Variants in MTA3 observed in about 807,000 individuals in gnomAD.
MTA3 encodes metastasis-associated protein MTA3.
Under a neutral mutation model 83.5 loss-of-function variants are expected in MTA3, and 34 were observed. The observed-to-expected ratio is 0.41, with a 90% CI of 0.31 to 0.54. The LOEUF is 0.54. MTA3 is among the 20% of genes least tolerant of loss of function. The probability of loss-of-function intolerance (pLI) is 0.33; values close to 1 mark genes in which losing one functional copy is unlikely to be tolerated. For missense variants in MTA3, 761 were observed against 726.4 expected (o/e 1.05, Z -0.55); for synonymous variants, 303 against 252.7 (o/e 1.20, Z -1.89).
intron 4 of MTA3, among the ~76,000 whole-genome samples, chr2:42,627,891 T>G: frequency 6.6e-6 from 1 of 151,764 alleles, no homozygotes; most frequent in Non-Finnish European, 1.5e-5. Context: ...TTCTTTTGTT[T>G]TGTTTTGTTT....
intron 2 of MTA3, among the ~76,000 whole-genome samples, chr2:42,545,849 T>C (rs762670688): frequency 6.6e-6 from 1 of 152,090 alleles, no homozygotes; most frequent in Admixed American, 6.6e-5. Flanking sequence ...TGACCTGAGA[T>C]CTCCATACTT....
intron 2 of MTA3, among the ~76,000 whole-genome samples, chr2:42,523,907 AC>A (rs1675545211): frequency 6.6e-6 from 1 of 152,072 alleles, no homozygotes. Flanking sequence ...AAAGAGCCAG[AC>A]CCTGTTTCTA....
chr2:42,636,309 G>A (rs536430273), intron 4 of MTA3, among the ~76,000 whole-genome samples: 1 of 152,120 alleles, frequency 6.6e-6, no homozygotes, highest in African/African-American at 2.4e-5. Context: ...GGAGGCCAAG[G>A]TGGGAGGATC....
chr2:42,527,420 C>T lies in MTA3; in HGVS notation c.-141+32166C>T, dbSNP rs538868105. Among the ~76,000 whole-genome samples, 8 of 152,318 alleles carry T rather than the reference C, an allele frequency of 5.3e-5. No individual in the cohort carries two copies. In the South Asian group the frequency reaches 1.7e-3, roughly 32 times the overall value. On this transcript the variant is annotated intron_variant, in intron 2 of 17. Coordinates refer to the MTA3 transcript ENST00000405592. ...TTCTTTTATAGTGAAGGCCGCATCT[C>T]TGAGGTTTGCAAACTGTCCACTGCA... is the stretch of plus-strand genomic sequence containing the variant.
chr2:42,601,181 GGT>G (rs1420030756), intron 3 of MTA3, among the ~76,000 whole-genome samples: 2 of 152,120 alleles, frequency 1.3e-5, no homozygotes, highest in Non-Finnish European at 2.9e-5. Context: ...CTGGGATTAA[GGT>G]GTGAGTCACC....
chr2:42,623,184 C>T (rs1419172618), intron 4 of MTA3, among the ~76,000 whole-genome samples: 1 of 152,142 alleles, frequency 6.6e-6, no homozygotes, highest in Non-Finnish European at 1.5e-5. Context: ...TTTAGTGTTC[C>T]AGTAATGGCC....
intron 2 of MTA3, among the ~76,000 whole-genome samples, chr2:42,539,695 C>T (rs1398856394): frequency 6.6e-6 from 1 of 151,012 alleles, no homozygotes; most frequent in Non-Finnish European, 1.5e-5. Context: ...GATCCTCCCA[C>T]CTCAGCCTCC....
intron 2 of MTA3, among the ~76,000 whole-genome samples, chr2:42,512,870 A>C (rs1674968188): frequency 6.6e-6 from 1 of 152,184 alleles, no homozygotes; most frequent in South Asian, 2.1e-4. Context: ...CTTTCACCCT[A>C]GTCACCAACT....
chr2:42,594,728 A>ATATATATATATATATTTT lies in MTA3; in HGVS notation c.191-14729_191-14728insATATATATATATATTTTT. ...TACATATATATATATATATATATAT[A>ATATATATATATATATTTT]TTTTTTTTTTTTTTTTGAGACAGAG... On this transcript the variant is annotated intron_variant, in intron 3 of 16. Coordinates refer to ENST00000405094, the MANE Select transcript of MTA3 (RefSeq NM_001330442.2). Among the ~76,000 whole-genome samples, 66 of 24,016 alleles carry ATATATATATATATATTTT rather than the reference A, an allele frequency of 2.7e-3. 1 individual carries two copies. Among genetic ancestry groups the ATATATATATATATATTTT allele is most frequent in the Non-Finnish European group, 3.4e-3 (52 of 15,438 alleles). The allele number at this position is 24,016 out of a possible 152,430, so 15.8% of individuals were successfully genotyped here. A position where few individuals can be genotyped will look rare whatever the true frequency, so the allele number is the denominator to read the frequency against.
chr2:42,636,111 A>C (rs116114041), intron 4 of MTA3, among the ~76,000 whole-genome samples: 1,601 of 152,238 alleles, frequency 0.011, 24 homozygotes, highest in African/African-American at 0.036. Context: ...AAAGTTCACT[A>C]AACTTGGTGA....
chr2:42,543,508 G>T (rs944095207), intron 2 of MTA3, among the ~76,000 whole-genome samples: 1 of 145,540 alleles, frequency 6.9e-6, no homozygotes, highest in Admixed American at 6.8e-5. Context: ...TGTTTGAGAC[G>T]GGGTCTCACT....
chr2:42,538,721 AAAAAAG>A (rs1459796364), intron 2 of MTA3, among the ~76,000 whole-genome samples: 14 of 150,352 alleles, frequency 9.3e-5, no homozygotes, highest in Middle Eastern at 6.8e-3. Flanking sequence ...AAAAAAAAAA[AAAAAAG>A]AAAAAGAAAA....
chr2:42,601,439 T>C (rs1682562103), intron 3 of MTA3, among the ~76,000 whole-genome samples: 1 of 152,216 alleles, frequency 6.6e-6, no homozygotes, highest in Non-Finnish European at 1.5e-5. Flanking sequence ...TAAATACTGC[T>C]CACAACACTG....
chr2:42,722,808 T>C, intron 15 of MTA3, 81 bp from the exon 16 acceptor site: 1 of 1,464,924 alleles, frequency 6.8e-7, no homozygotes, highest in Non-Finnish European at 9.2e-7. Context: ...AGAAATAAGA[T>C]GTGTGCCTAT....
Position 42,753,453 on chromosome 2 carries a change from T to A in MTA3, c.*54T>A. ...GACTTGCTGCACTGTCCTGCTGATG[T>A]TCACAGCCGTGCCTGGGAAGAAGGC... On this transcript the variant is annotated 3_prime_UTR_variant, in exon 17 of 17. Coordinates refer to ENST00000405094, the MANE Select transcript of MTA3 (RefSeq NM_001330442.2). 6.5e-7 allele frequency: 1 copy of A among 1,550,098 alleles called. No homozygotes were observed. Among genetic ancestry groups the A allele is most frequent in the Admixed American group, 2.0e-5 (1 of 50,962 alleles).
At chr2:42,542,346 C>G (rs1481561928) in intron 2 of MTA3, among the ~76,000 whole-genome samples, 2 of 152,106 alleles carry the variant, frequency 1.3e-5, no homozygotes, top group Non-Finnish European at 2.9e-5. Flanking sequence ...CTATGGAGAA[C>G]TTCTTGTTAT....
intron 4 of MTA3, among the ~76,000 whole-genome samples, chr2:42,617,187 A>T (rs1382074874): frequency 1.3e-5 from 2 of 152,214 alleles, no homozygotes; most frequent in African/African-American, 4.8e-5. Context: ...CCAGTATTGG[A>T]TGGAGAAATA....
At chr2:42,679,236 G>A (rs1691650015) in intron 8 of MTA3, among the ~76,000 whole-genome samples, 1 of 152,112 alleles carries the variant, frequency 6.6e-6, no homozygotes, top group South Asian at 2.1e-4. Context: ...TACTTAGAAA[G>A]TATAATTTTC....
At position 42,721,286 on chromosome 2, in the gene MTA3, G is replaced by T. The variant is rs1362322837; in HGVS notation, c.1613-1603G>T. On this transcript the variant is annotated intron_variant, in intron 15 of 16. Transcript: ENST00000405094. ...TGTAAAATAATTACAGGTAATATGC[G>T]TTGGGCACTTGGAGGAAGGACTGTT... 2.6e-5 allele frequency among the ~76,000 whole-genome samples: 4 copies of T among 151,006 alleles called. No homozygotes were observed. The East Asian group carries it at 7.7e-4, about 29-fold the overall frequency.
Sources: gnomAD v4.1 joint callset for allele counts (sites outside exome capture counted in the v4.1 genomes callset) on GRCh38, gnomAD v4.1.1 for gene constraint, MANE v1.5 for transcripts, NCBI Gene and HGNC (gene_info 2026-07-23, HGNC 2026-07-21) for gene names.